IL1RAPL1: variants seen among roughly 807,000 people sequenced by gnomAD.
The protein encoded by IL1RAPL1 is interleukin-1 receptor accessory protein-like 1.
Under a neutral mutation model 48.4 loss-of-function variants are expected in IL1RAPL1, and 3 were observed. The observed-to-expected ratio is 0.06, with a 90% CI of 0.03 to 0.16. The LOEUF is 0.16. IL1RAPL1 is among the 10% of genes least tolerant of loss of function. The pLI is 1.00. For missense variants in IL1RAPL1, 349 were observed against 530.6 expected (o/e 0.66, Z 3.36); for synonymous variants, 185 against 187.7 (o/e 0.99, Z 0.12).
At chrX:29,108,663 A>T (rs755418629) in intron 2 of IL1RAPL1, among the ~76,000 whole-genome samples, 1 of 111,252 alleles carries the variant, frequency 9.0e-6, no homozygotes, top group African/African-American at 3.3e-5. Context: ...AGCCTCCCAA[A>T]GTGCTGGGAT....
intron 2 of IL1RAPL1, among the ~76,000 whole-genome samples, chrX:29,150,699 A>G (rs1318741366): frequency 9.1e-6 from 1 of 110,237 alleles, no homozygotes; most frequent in Non-Finnish European, 1.9e-5. Flanking sequence ...TGAGGAGGGC[A>G]GATCACGAGG....
intron 2 of IL1RAPL1, among the ~76,000 whole-genome samples, chrX:29,250,803 C>G (rs1445000086): frequency 9.0e-6 from 1 of 111,336 alleles, no homozygotes; most frequent in Admixed American, 9.6e-5. Context: ...TCTCCTGTAA[C>G]AGATAATGTT....
At chrX:29,671,883 A>G (rs1160282940) in intron 6 of IL1RAPL1, among the ~76,000 whole-genome samples, 1 of 112,273 alleles carries the variant, frequency 8.9e-6, no homozygotes, top group East Asian at 2.8e-4. Context: ...TTTACAACTC[A>G]GAATTCACTG....
At chrX:29,470,709 T>C (rs1397157868) in intron 5 of IL1RAPL1, among the ~76,000 whole-genome samples, 1 of 111,442 alleles carries the variant, frequency 9.0e-6, no homozygotes, top group African/African-American at 3.3e-5. Flanking sequence ...TCATAGCTCA[T>C]TGCAGCCTCA....
At chrX:29,418,121 ATATATTT>A (rs1156964830) in intron 5 of IL1RAPL1, among the ~76,000 whole-genome samples, 1 of 40,289 alleles carries the variant, frequency 2.5e-5, no homozygotes, top group African/African-American at 1.3e-4. Flanking sequence ...ATATATATAT[ATATATTT>A]TTTTTTTTTT....
At chrX:29,263,668 T>A (rs1354847640) in intron 2 of IL1RAPL1, among the ~76,000 whole-genome samples, 1 of 111,598 alleles carries the variant, frequency 9.0e-6, no homozygotes, top group Non-Finnish European at 1.9e-5. Flanking sequence ...TAAGTCTTCT[T>A]ATCACACCCA....
chrX:29,165,138 G>T (rs1366460670), intron 2 of IL1RAPL1, among the ~76,000 whole-genome samples: 1 of 111,847 alleles, frequency 8.9e-6, no homozygotes, highest in Non-Finnish European at 1.9e-5. Context: ...GGCCAATGAG[G>T]TGAAACCTCA....
chrX:29,553,909 T>C (rs1213763796), intron 5 of IL1RAPL1, among the ~76,000 whole-genome samples: 1 of 109,804 alleles, frequency 9.1e-6, no homozygotes, highest in Non-Finnish European at 1.9e-5. Flanking sequence ...TTCTTACAAG[T>C]TTATGGATCC....
chrX:29,280,423 G>A (rs1302386168), intron 2 of IL1RAPL1, among the ~76,000 whole-genome samples: 2 of 111,714 alleles, frequency 1.8e-5, no homozygotes, highest in African/African-American at 6.5e-5. Flanking sequence ...ATCAAAGAAT[G>A]CTGTGAAATT....
chrX:29,529,467 G>A (rs1462263183), intron 5 of IL1RAPL1, among the ~76,000 whole-genome samples: 3 of 108,275 alleles, frequency 2.8e-5, no homozygotes, highest in Admixed American at 9.9e-5. Context: ...GGTGATGCGC[G>A]CCTGTAATCC....
intron 2 of IL1RAPL1, among the ~76,000 whole-genome samples, chrX:29,214,040 T>C: frequency 1.8e-5 from 2 of 111,440 alleles, no homozygotes; most frequent in Admixed American, 1.9e-4. Context: ...AATGAATAGA[T>C]AAAGTAAGAA....
chrX:29,081,851 C>T (rs144329548), intron 2 of IL1RAPL1, among the ~76,000 whole-genome samples: 1 of 109,854 alleles, frequency 9.1e-6, no homozygotes. Context: ...AGTAGTGGAT[C>T]TAGTGTGACA....
Position 29,831,395 on chromosome X carries a change from A to G in IL1RAPL1, c.779-86069A>G, listed in dbSNP as rs141191957. Among the ~76,000 whole-genome samples the G allele has an allele frequency of 5.4e-3, 607 of 111,714 alleles. 3 individuals are homozygous for G. The highest frequency in any genetic ancestry group is 0.018 in the African/African-American group (560 of 30,750). On this transcript the variant is annotated intron_variant, in intron 6 of 10. Transcript: ENST00000378993. ...GCTTATAAAGTGACCTGAAGATGAG[A>G]CAGGAATGGAATCCCAGGCAGAAGC...
chrX:28,745,102 A>G (rs1935957959), intron 1 of IL1RAPL1, among the ~76,000 whole-genome samples: 2 of 111,645 alleles, frequency 1.8e-5, no homozygotes, highest in South Asian at 7.5e-4. Context: ...AGAGATTATT[A>G]GAGTGATTTC....
rs1259010235 is a variant in IL1RAPL1, at chrX:29,956,479, G to C, written c.*659G>C. On this transcript the variant is annotated 3_prime_UTR_variant, in exon 11 of 11. Transcript: ENST00000378993. Reference sequence around the variant, plus strand: ...GATGTGTAAACTCTGTGCAGGGGTGGGGGCGGGTCTAACTGTCTTAACATT... The same window carrying C: ...GATGTGTAAACTCTGTGCAGGGGTGCGGGCGGGTCTAACTGTCTTAACATT... 9.2e-6 allele frequency: 1 copy of C among 108,479 alleles called. No individual in the cohort carries two copies. Among genetic ancestry groups the C allele is most frequent in the Non-Finnish European group, 1.9e-5 (1 of 53,216 alleles). 8.9% of individuals were successfully genotyped at this position (108,479 alleles called of 1,213,427 possible). A position where few individuals can be genotyped will look rare whatever the true frequency, so the allele number is the denominator to read the frequency against.
intron 1 of IL1RAPL1, among the ~76,000 whole-genome samples, chrX:28,762,813 CACACACACACAGAGAGAGAGAGAGAGAG>C (rs201182632): frequency 0.29 from 28,810 of 98,249 alleles, 3,065 homozygotes; most frequent in Non-Finnish European, 0.33. Context: ...CACACACACA[CACACACACACAGAGAGAGAGAGAGAGAG>C]AGAGAGAGAG....
intron 6 of IL1RAPL1, among the ~76,000 whole-genome samples, chrX:29,675,186 C>CA (rs1926245567): frequency 1.8e-5 from 2 of 111,999 alleles, no homozygotes; most frequent in South Asian, 3.7e-4. Flanking sequence ...ATGTATCTGA[C>CA]AAAAAAGGTC....
chrX:29,632,210 A>G (rs747333108), intron 5 of IL1RAPL1, among the ~76,000 whole-genome samples: 2 of 107,693 alleles, frequency 1.9e-5, no homozygotes, highest in South Asian at 4.2e-4. Context: ...GTGCAGTGGC[A>G]TGATCTCTGC....
chrX:28,934,036 C>T (rs1303378086), intron 2 of IL1RAPL1, among the ~76,000 whole-genome samples: 3 of 111,165 alleles, frequency 2.7e-5, no homozygotes, highest in Admixed American at 9.6e-5. Flanking sequence ...TTTACTCCAT[C>T]CTTTTCTGTC....
Sources: gnomAD v4.1 joint callset for allele counts (sites outside exome capture counted in the v4.1 genomes callset) on GRCh38, gnomAD v4.1.1 for gene constraint, MANE v1.5 for transcripts, NCBI Gene and HGNC (gene_info 2026-07-23, HGNC 2026-07-21) for gene names.